ERCC6L2: variants seen among roughly 807,000 people sequenced by gnomAD.
The protein encoded by ERCC6L2 is ERCC excision repair 6 like 2.
A neutral mutation model predicts 132.0 loss-of-function variants in ERCC6L2; 77 were observed. The observed-to-expected ratio is 0.58, with a 90% confidence interval of 0.49 to 0.71. The LOEUF is 0.71. Among genes scored for constraint, ERCC6L2 ranks in the 30% least tolerant of loss-of-function variants. The pLI, the probability that ERCC6L2 is intolerant of heterozygous loss-of-function variation, is 0.00. For synonymous variants in ERCC6L2, 583 were observed against 632.4 expected (o/e 0.92, Z 1.17); for missense variants, 1,542 against 1,837.6 (o/e 0.84, Z 2.94).
Position 95,881,180 on chromosome 9 carries a change from A to C in ERCC6L2, c.358A>C (p.Asn120His). The change falls in exon 2 of 19, where the codon AAT becomes CAT. Residue 120 changes from asparagine (N) to histidine (H), a missense_variant. Physicochemically the swap from Asn to His is moderately conservative, Grantham distance 68. Around this residue, in one of 4 missense-constraint regions of ERCC6L2, gnomAD observed 945 missense variants for 1,105.2 expected, o/e 0.86. Transcript: ENST00000653738. ...TGGAGACTCTATTCCTTATACCATC[A>C]ATAGGTATTTGAGAGACTACCAAAG... ...DNGDSIPYTI[N>H]RYLRDYQREG... 1 of 1,613,382 alleles carries C rather than the reference A, an allele frequency of 6.2e-7. No homozygotes were observed. Among genetic ancestry groups the C allele is most frequent in the Non-Finnish European group, 8.5e-7 (1 of 1,179,754 alleles).
Position 96,016,708 on chromosome 9 carries a change from A to C in ERCC6L2, c.*3505A>C, listed in dbSNP as rs1375593709. On this transcript the variant is annotated 3_prime_UTR_variant, in exon 19 of 19. Transcript: ENST00000653738. ...TTAAAGTTCAATGTGTACGCTTTTAAATTCTGAAGTTATCCTTCTTTTATG... is the reference window on the plus strand; with the variant it reads ...TTAAAGTTCAATGTGTACGCTTTTACATTCTGAAGTTATCCTTCTTTTATG... Among the ~76,000 whole-genome samples, 4 of 152,222 alleles carry C rather than the reference A, an allele frequency of 2.6e-5. No individual in the cohort carries two copies.
intron 2 of ERCC6L2, among the ~76,000 whole-genome samples, chr9:95,896,351 T>G (rs1278211383): frequency 6.6e-6 from 1 of 152,114 alleles, no homozygotes; most frequent in Non-Finnish European, 1.5e-5. Flanking sequence ...TTCTTTTTCC[T>G]GCAAGGTCAG....
chr9:96,001,729 C>T (rs1271872115), intron 17 of ERCC6L2, among the ~76,000 whole-genome samples: 1 of 152,266 alleles, frequency 6.6e-6, no homozygotes, highest in African/African-American at 2.4e-5. Flanking sequence ...CATTCCTCAG[C>T]CCTTGGGTGG....
downstream of ERCC6L2, chr9:96,020,276 G>C (rs893494371): frequency 5.9e-6 from 1 of 169,742 alleles, no homozygotes. Flanking sequence ...CCCATGACAC[G>C]TGGGGATTAT....
At chr9:95,995,418 A>C (rs1391364306) in intron 17 of ERCC6L2, among the ~76,000 whole-genome samples, 1 of 152,232 alleles carries the variant, frequency 6.6e-6, no homozygotes. Context: ...AAAACCTAAA[A>C]GTAAGAAGTA....
chr9:95,982,837 A>G (rs1832945519), intron 17 of ERCC6L2, among the ~76,000 whole-genome samples: 1 of 152,160 alleles, frequency 6.6e-6, no homozygotes, highest in African/African-American at 2.4e-5. Context: ...ATTTGAGTAG[A>G]AAATACCTGC....
At chr9:95,918,875 T>G (rs561644745) in intron 6 of ERCC6L2, among the ~76,000 whole-genome samples, 432 of 145,718 alleles carry the variant, frequency 3.0e-3, no homozygotes, top group Non-Finnish European at 4.6e-3. Flanking sequence ...ATTGTGTCTG[T>G]TTTTTTTTTT....
intron 19 of ERCC6L2, among the ~76,000 whole-genome samples, chr9:96,026,405 CAG>C (rs1370164620): frequency 3.3e-5 from 5 of 152,134 alleles, no homozygotes; most frequent in Non-Finnish European, 5.9e-5. Context: ...ATTCGGAACT[CAG>C]TGAGCCCCGG....
At chr9:95,963,971 C>T (rs1411806963) in intron 13 of ERCC6L2, among the ~76,000 whole-genome samples, 3 of 152,156 alleles carry the variant, frequency 2.0e-5, no homozygotes, top group African/African-American at 7.2e-5. Flanking sequence ...AGTTTCTCCA[C>T]TGCAAAGTTA....
rs553648712 is a variant in ERCC6L2, at chr9:95,961,429, A to T, written c.1948-5133A>T. Among the ~76,000 whole-genome samples, 3 of 152,266 alleles carry T rather than the reference A, an allele frequency of 2.0e-5. No individual in the cohort carries two copies. The South Asian group carries it at 6.2e-4, about 32-fold the overall frequency. On this transcript the variant is annotated intron_variant, in intron 13 of 18. Transcript: ENST00000653738. The stretch of plus-strand genomic sequence containing the variant: ...AAGGATCATTCCCTAAAATCTTCAG[A>T]CAGAGCATGGCCCTATGGACACCTT...
chr9:96,003,628 C>G (rs1359823645), intron 17 of ERCC6L2, among the ~76,000 whole-genome samples: 5 of 152,132 alleles, frequency 3.3e-5, no homozygotes, highest in Non-Finnish European at 7.4e-5. Context: ...GTGCTATAGA[C>G]TATAGCACCC....
chr9:95,983,722 T>C (rs1832978183), intron 17 of ERCC6L2, among the ~76,000 whole-genome samples: 1 of 152,196 alleles, frequency 6.6e-6, no homozygotes, highest in African/African-American at 2.4e-5. Flanking sequence ...TAAAGCAAAA[T>C]TACAGATTAA....
In ERCC6L2 at chr9:95,943,237, T is replaced by C. The variant is rs147181149; in HGVS notation, c.1847+1688T>C. 4.3e-3 allele frequency among the ~76,000 whole-genome samples: 651 copies of C among 152,240 alleles called. 15 individuals carry two copies. The highest frequency in any genetic ancestry group is 0.014 in the East Asian group (71 of 5,180). On this transcript the variant is annotated intron_variant, in intron 12 of 18. Transcript: ENST00000653738. ...ATTAGTAACAAGAACTAAAATGTTA[T>C]ATAAATTTTGATAATTGTCAGAATA...
rs533272943 is a variant in ERCC6L2, at chr9:95,940,496, A to G, written c.1752-958A>G. 2.6e-5 allele frequency among the ~76,000 whole-genome samples: 4 copies of G among 152,178 alleles called. No homozygotes were observed. The East Asian group carries it at 7.7e-4, about 29-fold the overall frequency. ...TCAGATTTTGTGTGACTCATGAGCTATTTAAGTGTATGTTGTTTAGTTTCC... is the reference window on the plus strand; with the variant it reads ...TCAGATTTTGTGTGACTCATGAGCTGTTTAAGTGTATGTTGTTTAGTTTCC... On this transcript the variant is annotated intron_variant, in intron 11 of 18. Transcript: ENST00000653738.
In ERCC6L2 at chr9:96,004,547, A is replaced by G. The variant is rs1040064832; in HGVS notation, c.3520A>G (p.Thr1174Ala). Reference protein sequence around the residue: ...KTYKEKVDADTLPHTKKGQQP... With the variant: ...KTYKEKVDADALPHTKKGQQP... ...ATATAAAGAAAAAGTGGATGCAGAT[A>G]CATTGCCACACACAAAGAAAGGCCA... Residue 1174 changes from threonine to alanine, a missense_variant, in exon 18 of 19, where the codon ACA becomes GCA. Transcript: ENST00000653738. The G allele has an allele frequency of 7.6e-7, 1 of 1,307,216 alleles. No individual in the cohort carries two copies. The highest frequency in any genetic ancestry group is 1.5e-5 in the African/African-American group (1 of 65,960). The allele number at this position is 1,307,216 out of a possible 1,614,324, so 81.0% of individuals were successfully genotyped here.
Position 95,913,267 on chromosome 9 carries a change from G to A in ERCC6L2, c.789-2401G>A, listed in dbSNP as rs375134360. Among the ~76,000 whole-genome samples, 42 of 152,038 alleles carry A rather than the reference G, an allele frequency of 2.8e-4. 1 individual carries two copies. In the Middle Eastern group the frequency reaches 0.014, roughly 49 times the overall value. The stretch of plus-strand genomic sequence containing the variant: ...ATTTCTTTTCTACACATTAATTACC[G>A]GTATTCTCCTGTAAAGGAAAGCTTT... On this transcript the variant is annotated intron_variant, in intron 4 of 18. Transcript: ENST00000653738.
chr9:95,902,782 TAATG>T lies in ERCC6L2; in HGVS notation c.595-4294_595-4291del, dbSNP rs1420076099. 1.5e-4 allele frequency among the ~76,000 whole-genome samples: 23 copies of T among 152,144 alleles called. 1 individual carries two copies. Among genetic ancestry groups the T allele is most frequent in the African/African-American group, 4.3e-4 (18 of 41,460 alleles). On this transcript the variant is annotated intron_variant, in intron 3 of 18. Coordinates refer to ENST00000653738, the MANE Select transcript of ERCC6L2 (RefSeq NM_020207.7). ...TTATCTTGCTTTGATTTACATTTCTTAATGAGTGAAGCTGTAGCATTTCAGATGT... is the reference window on the plus strand; with the variant it reads ...TTATCTTGCTTTGATTTACATTTCTTAGTGAAGCTGTAGCATTTCAGATGT...
chr9:96,039,802 G>C (rs771559598), intron 20 of ERCC6L2, among the ~76,000 whole-genome samples: 6 of 152,180 alleles, frequency 3.9e-5, no homozygotes, highest in Admixed American at 6.5e-5. Flanking sequence ...CCCCAGGGCT[G>C]CACAGAGGAT....
At chr9:95,985,938 G>A (rs2133139823) in intron 17 of ERCC6L2, among the ~76,000 whole-genome samples, 1 of 152,304 alleles carries the variant, frequency 6.6e-6, no homozygotes, top group African/African-American at 2.4e-5. Context: ...GCTCTTCTTA[G>A]ACAGCCTTCA....
Sources: gnomAD v4.1 joint callset for allele counts (sites outside exome capture counted in the v4.1 genomes callset) on GRCh38, gnomAD v4.1.1 for gene constraint, gnomAD v4.1.1 regional missense constraint, MANE v1.5 for transcripts, NCBI Gene and HGNC (gene_info 2026-07-23, HGNC 2026-07-21) for gene names.